STOX2: variants seen among roughly 807,000 people sequenced by gnomAD.
The protein encoded by STOX2 is storkhead box 2, also known as storkhead-box protein 2.
A neutral mutation model predicts 60.9 loss-of-function variants in STOX2; 28 were observed. The ratio of observed to expected loss-of-function variants is 0.46; its 90% CI spans 0.34 to 0.63. The LOEUF (loss-of-function observed/expected upper bound fraction) is 0.63, where lower values mean the gene tolerates loss of function less well. Ranked by LOEUF, STOX2 falls within the 30% of genes least tolerant of loss-of-function variation. STOX2 has a pLI of 0.01. For synonymous variants in STOX2, 472 were observed against 463.9 expected (o/e 1.02, Z -0.22); for missense variants, 1,024 against 1,187.7 (o/e 0.86, Z 2.03).
intron 1 of STOX2, 139 bp downstream of exon 1, chr4:183,907,095 C>T (rs1376315423): frequency 1.4e-6 from 1 of 703,428 alleles, no homozygotes; most frequent in Non-Finnish European, 2.3e-6. Context: ...AAATTAGCTC[C>T]CATCCACCAT....
At chr4:183,823,520 C>G (rs1380193298) in intron 1 of STOX2, among the ~76,000 whole-genome samples, 1 of 152,258 alleles carries the variant, frequency 6.6e-6, no homozygotes, top group Admixed American at 6.5e-5. Context: ...TTCCTTCCCA[C>G]TAGCCCATCA....
At chr4:183,913,974 T>C (rs1241639258) in intron 1 of STOX2, among the ~76,000 whole-genome samples, 1 of 152,238 alleles carries the variant, frequency 6.6e-6, no homozygotes, top group Non-Finnish European at 1.5e-5. Context: ...TATGAAATTA[T>C]GGGTTTCTCT....
chr4:183,967,391 T>C (rs1045296633), intron 1 of STOX2, among the ~76,000 whole-genome samples: 1 of 139,986 alleles, frequency 7.1e-6, no homozygotes, highest in Admixed American at 7.1e-5. Context: ...AAAAAAGAAG[T>C]GAGAGGAAAG....
chr4:183,845,048 T>G (rs1246029452), intron 1 of STOX2, among the ~76,000 whole-genome samples: 4 of 152,236 alleles, frequency 2.6e-5, no homozygotes, highest in African/African-American at 4.8e-5. Flanking sequence ...GTTCCTTAGA[T>G]TCCCAATCAG....
intron 1 of STOX2, among the ~76,000 whole-genome samples, chr4:183,878,794 A>C (rs1001464029): frequency 1.7e-4 from 26 of 152,212 alleles, no homozygotes; most frequent in African/African-American, 6.3e-4. Context: ...TTTAATCCTA[A>C]CCTTTGTATT....
chr4:183,798,834 C>T (rs1738693707), intron 1 of STOX2: 3 of 961,872 alleles, frequency 3.1e-6, no homozygotes, highest in Non-Finnish European at 3.7e-6. Flanking sequence ...TTCATTTCCC[C>T]TCCTTAATCC....
intron 1 of STOX2, among the ~76,000 whole-genome samples, chr4:183,893,967 C>G (rs1741285272): frequency 1.3e-5 from 2 of 152,206 alleles, no homozygotes; most frequent in South Asian, 4.1e-4. Flanking sequence ...GCTCGGGCAA[C>G]ATGGTGAAAC....
intron 1 of STOX2, among the ~76,000 whole-genome samples, chr4:183,925,910 T>C (rs1249573785): frequency 6.6e-6 from 1 of 152,124 alleles, no homozygotes; most frequent in Non-Finnish European, 1.5e-5. Flanking sequence ...GAATCATTGA[T>C]ATGGTGCCCT....
At position 184,009,898 on chromosome 4, in the gene STOX2, A is replaced by G. The variant is rs1443573406; in HGVS notation, c.1060A>G (p.Ser354Gly). Residue 354 changes from serine (S) to glycine (G), a missense_variant, in exon 3 of 4, where the codon AGC becomes GGC. By Grantham distance (56) the Ser-to-Gly change is moderately conservative. This residue lies in a region of STOX2 where 922 missense variants were observed against 1,058.3 expected (regional missense o/e 0.87). Coordinates refer to ENST00000308497, the MANE Select transcript of STOX2 (RefSeq NM_020225.3). This position sits in a 1 kb window ranked among gnomAD's most constrained non-coding sequence, Gnocchi z 4.0. ...TAAAGCCGGGTCCTCTGCCCATCACAGCGGAAGGAGTAAAAAGAGTAGGAC... is the reference window on the plus strand; with the variant it reads ...TAAAGCCGGGTCCTCTGCCCATCACGGCGGAAGGAGTAAAAAGAGTAGGAC... The part of the protein sequence containing the change: ...RSKAGSSAHH[S>G]GRSKKSRTHR... 3.7e-6 allele frequency: 6 copies of G among 1,612,418 alleles called. No homozygotes were observed. Among genetic ancestry groups the G allele is most frequent in the South Asian group, 1.1e-5 (1 of 90,662 alleles).
Position 183,821,155 on chromosome 4 carries a change from G to A in STOX2, c.364+23100G>A, listed in dbSNP as rs114703932. Among the ~76,000 whole-genome samples, 12 of 152,276 alleles carry A rather than the reference G, an allele frequency of 7.9e-5. No individual in the cohort carries two copies. Among genetic ancestry groups the A allele is most frequent in the African/African-American group, 2.6e-4 (11 of 41,562 alleles). On this transcript the variant is annotated intron_variant, in intron 1 of 2. Coordinates refer to the STOX2 transcript ENST00000513034. The surrounding 1 kb of genome is among the most constrained non-coding windows in gnomAD (Gnocchi z 4.2). ...GAAAAAAGAGATTTTTCTCTTCACG[G>A]TTCTGTTGAGTTCCTGGCCCTCCTT...
chr4:183,845,719 T>G (rs28418827), intron 1 of STOX2, among the ~76,000 whole-genome samples: 23,526 of 152,246 alleles, frequency 0.15, 1,955 homozygotes, highest in East Asian at 0.21. Flanking sequence ...GCTGCAGATT[T>G]ACAGTTCTCC....
chr4:183,923,496 G>T (rs1742158550), intron 1 of STOX2, among the ~76,000 whole-genome samples: 1 of 152,210 alleles, frequency 6.6e-6, no homozygotes. Context: ...GCTGTCACTT[G>T]ATTAATAACC....
intron 1 of STOX2, among the ~76,000 whole-genome samples, chr4:183,979,564 T>G (rs533883283): frequency 6.6e-6 from 1 of 152,350 alleles, no homozygotes; most frequent in African/African-American, 2.4e-5. Context: ...ACTAGCTACA[T>G]GTAGCTATTG....
chr4:183,860,605 G>T (rs1039752478), intron 1 of STOX2, among the ~76,000 whole-genome samples: 7 of 152,184 alleles, frequency 4.6e-5, no homozygotes, highest in African/African-American at 1.7e-4. Flanking sequence ...AGGAATATTT[G>T]TGATATGCTA....
chr4:183,989,159 A>AT (rs1319582701), intron 1 of STOX2, among the ~76,000 whole-genome samples: 2 of 120,922 alleles, frequency 1.7e-5, no homozygotes, highest in Non-Finnish European at 3.4e-5. Context: ...AGTATTTGAC[A>AT]TTTTTTCTGG....
intron 1 of STOX2, among the ~76,000 whole-genome samples, chr4:183,840,038 C>CTG (rs1040807744): frequency 1.3e-5 from 2 of 151,446 alleles, no homozygotes; most frequent in African/African-American, 4.9e-5. Flanking sequence ...TTCATGGACT[C>CTG]TGTGTGTGTG....
At chr4:183,990,578 A>ATTTTTTTTTTTT (rs57369052) in intron 1 of STOX2, among the ~76,000 whole-genome samples, 3 of 82,478 alleles carry the variant, frequency 3.6e-5, no homozygotes, top group African/African-American at 6.2e-5. Flanking sequence ...AAAAAGCAGG[A>ATTTTTTTTTTTT]TTTTTTTTTT....
Position 184,020,116 on chromosome 4 carries a change from G to T in STOX2, c.*2832G>T, listed in dbSNP as rs767307338. ...TACATATAACTACCTCCATAAATTT[G>T]ATGAAATGGCAGCCGTGTGTTAAAG... On this transcript the variant is annotated 3_prime_UTR_variant, in exon 4 of 4. Transcript: ENST00000308497. The T allele has an allele frequency of 1.3e-5, 2 of 152,102 alleles. No individual in the cohort carries two copies. Among genetic ancestry groups the T allele is most frequent in the African/African-American group, 2.4e-5 (1 of 41,402 alleles). 9.4% of individuals were successfully genotyped at this position (152,102 alleles called of 1,614,324 possible).
chr4:183,905,650 C>T lies in STOX2; in HGVS notation c.-1141C>T, dbSNP rs1394843027. 6.6e-6 allele frequency: 1 copy of T among 152,340 alleles called. No homozygotes were observed. Among genetic ancestry groups the T allele is most frequent in the Admixed American group, 6.5e-5 (1 of 15,286 alleles). The allele number at this position is 152,340 out of a possible 1,614,324, so 9.4% of individuals were successfully genotyped here. On this transcript the variant is annotated 5_prime_UTR_variant, in exon 1 of 4. Coordinates refer to ENST00000308497, the MANE Select transcript of STOX2 (RefSeq NM_020225.3). ...ATATGTAAATATCCAAGCGCTGGCT[C>T]CAGGCTGGGGCAGCTGCCAAGGTCC...
Sources: gnomAD v4.1 joint callset for allele counts (sites outside exome capture counted in the v4.1 genomes callset) on GRCh38, gnomAD v4.1.1 for gene constraint, gnomAD v4.1.1 regional missense constraint, Gnocchi (gnomAD v3.1) non-coding constraint, MANE v1.5 for transcripts, NCBI Gene and HGNC (gene_info 2026-07-23, HGNC 2026-07-21) for gene names.